The following ANO3 variants were observed in gnomAD, a reference collection of about 807,000 sequenced individuals.
The protein encoded by ANO3 is anoctamin-3.
A neutral mutation model predicts 144.8 loss-of-function variants in ANO3; 99 were observed. That is an observed-to-expected ratio of 0.68 (90% CI 0.58 to 0.81). The LOEUF (loss-of-function observed/expected upper bound fraction) is 0.81, where lower values mean the gene tolerates loss of function less well. Among genes scored for constraint, ANO3 ranks in the 30% least tolerant of loss-of-function variants. The pLI, the probability that ANO3 is intolerant of heterozygous loss-of-function variation, is 0.00. For missense variants in ANO3, 905 were observed against 1,202.2 expected, an observed-to-expected ratio of 0.75 and a Z score of 3.66; for synonymous variants, 414 against 392.6, an observed-to-expected ratio of 1.05 and a Z score of -0.64.
At chr11:26,651,776 G>A (rs995248574) in intron 24 of ANO3, among the ~76,000 whole-genome samples, 1 of 152,132 alleles carries the variant, frequency 6.6e-6, no homozygotes, top group Non-Finnish European at 1.5e-5. Flanking sequence ...GGTTCTGAGG[G>A]CAAACGTTTT....
chr11:26,322,270 C>A (rs1365525945), intron 1 of ANO3, among the ~76,000 whole-genome samples: 2 of 152,084 alleles, frequency 1.3e-5, no homozygotes, highest in Non-Finnish European at 1.5e-5. Flanking sequence ...GTGAATAATA[C>A]AGAGAATTTC....
chr11:26,340,872 AC>A (rs1353117605), intron 1 of ANO3, among the ~76,000 whole-genome samples: 1 of 152,180 alleles, frequency 6.6e-6, no homozygotes, highest in Non-Finnish European at 1.5e-5. Flanking sequence ...ATGCTCTTTA[AC>A]TTCTCAACTG....
intron 1 of ANO3, among the ~76,000 whole-genome samples, chr11:26,368,437 T>TCG (rs1271768246): frequency 1.3e-5 from 2 of 152,156 alleles, no homozygotes; most frequent in East Asian, 1.9e-4. Flanking sequence ...AAAAATAAAA[T>TCG]CATCCATTTC....
At chr11:26,250,599 T>C (rs183843616) in intron 1 of ANO3, among the ~76,000 whole-genome samples, 12 of 152,324 alleles carry the variant, frequency 7.9e-5, no homozygotes, top group Admixed American at 5.2e-4. Flanking sequence ...ATCTGAAAGA[T>C]AGGCTTAAGG....
At chr11:26,276,156 T>C (rs1012751742) in intron 1 of ANO3, among the ~76,000 whole-genome samples, 2 of 152,146 alleles carry the variant, frequency 1.3e-5, no homozygotes, top group African/African-American at 4.8e-5. Context: ...CCAAGTTTCA[T>C]GTCCATTCCT....
chr11:26,659,378 G>A (rs1853806788), intron 26 of ANO3, among the ~76,000 whole-genome samples: 1 of 149,936 alleles, frequency 6.7e-6, no homozygotes. Context: ...TTTTTTTAAT[G>A]CATTACTTTT....
intron 1 of ANO3, among the ~76,000 whole-genome samples, chr11:26,226,550 T>C (rs561460134): frequency 1.2e-4 from 18 of 152,138 alleles, no homozygotes; most frequent in Admixed American, 9.2e-4. Flanking sequence ...TTACTTGTAC[T>C]TGAAATCATA....
chr11:26,612,618 C>T (rs991959278), intron 17 of ANO3, among the ~76,000 whole-genome samples: 18 of 151,772 alleles, frequency 1.2e-4, no homozygotes, highest in Non-Finnish European at 2.2e-4. Flanking sequence ...GTTTTCTTGA[C>T]AATAATTATA....
At chr11:26,299,142 A>G (rs1364087481) in intron 1 of ANO3, among the ~76,000 whole-genome samples, 2 of 152,210 alleles carry the variant, frequency 1.3e-5, no homozygotes, top group Non-Finnish European at 2.9e-5. Context: ...GGGGTTTTGC[A>G]AAGTTAAAAG....
chr11:26,378,796 C>A (rs776028933), intron 1 of ANO3, among the ~76,000 whole-genome samples: 1 of 151,982 alleles, frequency 6.6e-6, no homozygotes, highest in Non-Finnish European at 1.5e-5. Context: ...CAGACAAATG[C>A]TCTGGTCCAA....
intron 1 of ANO3, among the ~76,000 whole-genome samples, chr11:26,293,750 G>A (rs1854021312): frequency 6.6e-6 from 1 of 151,552 alleles, no homozygotes; most frequent in South Asian, 2.1e-4. Context: ...GGGATAAAAA[G>A]GACATTAAAC....
chr11:26,303,977 T>G (rs1010448728), intron 1 of ANO3, among the ~76,000 whole-genome samples: 1 of 152,144 alleles, frequency 6.6e-6, no homozygotes, highest in Non-Finnish European at 1.5e-5. Context: ...CCTCCCAAAG[T>G]GCTAGGATTA....
chr11:26,460,094 C>T (rs1859329065), intron 3 of ANO3: 1 of 454,090 alleles, frequency 2.2e-6, no homozygotes, highest in African/African-American at 2.0e-5. Context: ...ACCAAACAAA[C>T]CATATCCAAG....
chr11:26,573,496 G>C (rs1275442168), intron 14 of ANO3, among the ~76,000 whole-genome samples: 1 of 152,122 alleles, frequency 6.6e-6, no homozygotes, highest in Non-Finnish European at 1.5e-5. Flanking sequence ...TTTTCTGTTT[G>C]TAGTTAGAGA....
intron 3 of ANO3, among the ~76,000 whole-genome samples, chr11:26,452,162 A>C (rs988587247): frequency 6.6e-6 from 1 of 152,226 alleles, no homozygotes; most frequent in African/African-American, 2.4e-5. Context: ...TGGAAACTCT[A>C]AAAAGCAGAG....
intron 4 of ANO3, among the ~76,000 whole-genome samples, chr11:26,489,813 G>A (rs1055669124): frequency 3.9e-5 from 6 of 152,190 alleles, no homozygotes. Context: ...ATTTGGAAAG[G>A]CTGTATTGAC....
At chr11:26,372,316 C>G (rs1213696181) in intron 1 of ANO3, among the ~76,000 whole-genome samples, 2 of 152,120 alleles carry the variant, frequency 1.3e-5, no homozygotes, top group African/African-American at 4.8e-5. Flanking sequence ...GAGGCCTCCC[C>G]AGCTATGCTG....
chr11:26,577,997 G>C (rs1851034383), intron 14 of ANO3, among the ~76,000 whole-genome samples: 1 of 152,188 alleles, frequency 6.6e-6, no homozygotes, highest in Non-Finnish European at 1.5e-5. Flanking sequence ...TGAATATCAT[G>C]GAAGGCCTGC....
intron 1 of ANO3, among the ~76,000 whole-genome samples, chr11:26,379,458 T>C (rs890663303): frequency 3.3e-5 from 5 of 152,088 alleles, no homozygotes; most frequent in African/African-American, 1.2e-4. Context: ...ATGTGAGAGA[T>C]GACTGTGGCT....
Sources: allele counts gnomAD v4.1 joint callset (sites outside exome capture counted in the v4.1 genomes callset), GRCh38; gene constraint gnomAD v4.1.1; transcripts MANE v1.5; gene names NCBI Gene and HGNC (gene_info 2026-07-23, HGNC 2026-07-21).